Variants in PDE8B observed in about 807,000 individuals in gnomAD.
PDE8B encodes the protein high affinity cAMP-specific and IBMX-insensitive 3',5'-cyclic phosphodiesterase 8B.
Under a neutral mutation model 101.3 loss-of-function variants are expected in PDE8B, and 26 were observed. The ratio of observed to expected loss-of-function variants is 0.26; its 90% CI spans 0.19 to 0.36. The LOEUF (loss-of-function observed/expected upper bound fraction) is 0.36, where lower values mean the gene tolerates loss of function less well. Ranked by LOEUF, PDE8B falls within the 10% of genes least tolerant of loss-of-function variation. The pLI is 1.00. For synonymous variants in PDE8B, 424 were observed against 429.3 expected (o/e 0.99, Z 0.15); for missense variants, 810 against 1,163.1 (o/e 0.70, Z 4.42).
At chr5:77,390,969 A>T (rs1020639149) in intron 10 of PDE8B, among the ~76,000 whole-genome samples, 21 of 152,162 alleles carry the variant, frequency 1.4e-4, no homozygotes, top group African/African-American at 5.1e-4. Context: ...TAGACTGCAG[A>T]TGTCATGCTG....
chr5:77,308,120 C>T (rs896135697), intron 1 of PDE8B, among the ~76,000 whole-genome samples: 2 of 152,216 alleles, frequency 1.3e-5, no homozygotes, highest in Non-Finnish European at 2.9e-5. Context: ...TCTGTGAATA[C>T]ACCTGCTACA....
intron 5 of PDE8B, among the ~76,000 whole-genome samples, chr5:77,335,240 GGTTTTTTCATGTTTTTACA>G (rs1207478881): frequency 6.6e-6 from 1 of 151,980 alleles, no homozygotes; most frequent in East Asian, 1.9e-4. Context: ...ATTTTATCAT[GGTTTTTTCATGTTTTTACA>G]AAACATGAGC....
At chr5:77,406,023 A>T (rs1793360065) in intron 12 of PDE8B, among the ~76,000 whole-genome samples, 1 of 152,334 alleles carries the variant, frequency 6.6e-6, no homozygotes, top group African/African-American at 2.4e-5. Context: ...GCGATGGCTC[A>T]TGCCTGTGAT....
the PDE8B span, among the ~76,000 whole-genome samples, chr5:77,135,473 A>ATTTTTT: frequency 4.1e-5 from 5 of 121,532 alleles, no homozygotes; most frequent in East Asian, 2.6e-4. Context: ...AGCCAGAGGA[A>ATTTTTT]TTTTTTTTTT....
At chr5:77,414,882 C>T (rs762031533) in intron 17 of PDE8B, among the ~76,000 whole-genome samples, 12 of 152,138 alleles carry the variant, frequency 7.9e-5, no homozygotes, top group Non-Finnish European at 1.8e-4. Flanking sequence ...AGCGGAACCA[C>T]TCTAGGAAAA....
chr5:77,122,623 G>A, the PDE8B span, among the ~76,000 whole-genome samples: 2 of 152,116 alleles, frequency 1.3e-5, no homozygotes, highest in Non-Finnish European at 2.9e-5. Flanking sequence ...GCTAGACACT[G>A]GGAACATAAC....
intron 2 of PDE8B, among the ~76,000 whole-genome samples, chr5:77,318,623 A>G (rs10474496): frequency 0.33 from 50,159 of 151,876 alleles, 8,352 homozygotes; most frequent in Middle Eastern, 0.43. Context: ...CTGCCCCTTA[A>G]AAAACTCCCA....
intron 1 of PDE8B, among the ~76,000 whole-genome samples, chr5:77,270,724 A>G (rs1287289573): frequency 6.6e-6 from 1 of 152,230 alleles, no homozygotes; most frequent in African/African-American, 2.4e-5. Context: ...TTAATATGGA[A>G]CACTGCTTTG....
intron 1 of PDE8B, among the ~76,000 whole-genome samples, chr5:77,267,062 T>G (rs1163756497): frequency 6.6e-6 from 1 of 152,134 alleles, no homozygotes; most frequent in Non-Finnish European, 1.5e-5. Flanking sequence ...CATGATGCAT[T>G]TCCCTGTGTT....
At chr5:77,261,292 G>T (rs1294373389) in intron 1 of PDE8B, among the ~76,000 whole-genome samples, 2 of 152,170 alleles carry the variant, frequency 1.3e-5, no homozygotes, top group African/African-American at 4.8e-5. Flanking sequence ...AGAGACAGGA[G>T]AAGACAGTCA....
At chr5:77,177,158 G>A in the PDE8B span, among the ~76,000 whole-genome samples, 1 of 152,098 alleles carries the variant, frequency 6.6e-6, no homozygotes, top group East Asian at 1.9e-4. Flanking sequence ...TGGGTTGAGT[G>A]TTGGGCTCTG....
chr5:77,232,320 T>C (rs1453028935), intron 1 of PDE8B, among the ~76,000 whole-genome samples: 1 of 152,230 alleles, frequency 6.6e-6, no homozygotes, highest in African/African-American at 2.4e-5. Context: ...GTGCATATCA[T>C]TGTATTGCGA....
Position 77,415,351 on chromosome 5 carries a change from ATTTT to A in PDE8B, c.1911+2063_1911+2066del, listed in dbSNP as rs71606293. Among the ~76,000 whole-genome samples the A allele has an allele frequency of 4.0e-3, 352 of 88,740 alleles. 2 individuals carry two copies. Among genetic ancestry groups the A allele is most frequent in the African/African-American group, 0.016 (328 of 20,640 alleles). 58.2% of individuals were successfully genotyped at this position (88,740 alleles called of 152,430 possible). A position where few individuals can be genotyped will look rare whatever the true frequency, so the allele number is the denominator to read the frequency against. Reference sequence around the variant, plus strand: ...CCTAATTTCTTTGTGATAAGCTAAAATTTTTTTTTTTTTTTTTTTTTTTTGAGAT... The same window carrying A: ...CCTAATTTCTTTGTGATAAGCTAAAATTTTTTTTTTTTTTTTTTTTGAGAT... On this transcript the variant is annotated intron_variant, in intron 17 of 21. Transcript: ENST00000264917.
At chr5:77,415,190 G>A (rs1198140547) in intron 17 of PDE8B, among the ~76,000 whole-genome samples, 1 of 152,042 alleles carries the variant, frequency 6.6e-6, no homozygotes, top group Non-Finnish European at 1.5e-5. Context: ...TTGGTTACCT[G>A]CCTGTGATCA....
chr5:77,155,355 T>A, the PDE8B span, among the ~76,000 whole-genome samples: 1 of 152,248 alleles, frequency 6.6e-6, no homozygotes, highest in Non-Finnish European at 1.5e-5. Flanking sequence ...ACAGCTGCTG[T>A]CGTCTGACAT....
intron 1 of PDE8B, among the ~76,000 whole-genome samples, chr5:77,263,794 T>A (rs146797918): frequency 7.2e-5 from 11 of 152,292 alleles, no homozygotes; most frequent in African/African-American, 2.4e-4. Flanking sequence ...TGAGAAATAA[T>A]TTACCACCAT....
chr5:77,412,094 G>A lies in PDE8B; in HGVS notation c.1577-6G>A. Reference sequence around the variant, plus strand: ...CCAGCCTCCCCCATCCCATCTGTTTGCTCAGATGTGCACCAGAGTCACAGT... The same window carrying A: ...CCAGCCTCCCCCATCCCATCTGTTTACTCAGATGTGCACCAGAGTCACAGT... On this transcript the variant is annotated splice_polypyrimidine_tract_variant and splice_region_variant and intron_variant, in intron 15 of 21. Coordinates refer to ENST00000264917, the MANE Select transcript of PDE8B (RefSeq NM_003719.5). 6.2e-7 allele frequency: 1 copy of A among 1,613,842 alleles called. No homozygotes were observed. Among genetic ancestry groups the A allele is most frequent in the South Asian group, 1.1e-5 (1 of 91,070 alleles).
intron 1 of PDE8B, among the ~76,000 whole-genome samples, chr5:77,309,052 GC>G (rs1430030752): frequency 6.6e-6 from 1 of 151,996 alleles, no homozygotes; most frequent in Non-Finnish European, 1.5e-5. Flanking sequence ...GGTGGTGGGT[GC>G]CTGTAATCCC....
intron 1 of PDE8B, among the ~76,000 whole-genome samples, chr5:77,265,270 G>A (rs567673597): frequency 1.3e-5 from 2 of 152,228 alleles, no homozygotes; most frequent in Admixed American, 6.5e-5. Context: ...AATACCTGCT[G>A]GACTTTAATA....
Sources: allele counts gnomAD v4.1 joint callset (sites outside exome capture counted in the v4.1 genomes callset), GRCh38; gene constraint gnomAD v4.1.1; transcripts MANE v1.5; gene names NCBI Gene and HGNC (gene_info 2026-07-23, HGNC 2026-07-21).